The following MICAL3 variants were observed in gnomAD, a reference collection of about 807,000 sequenced individuals.
The protein encoded by MICAL3 is [F-actin]-monooxygenase MICAL3.
A neutral mutation model predicts 207.4 loss-of-function variants in MICAL3; 62 were observed. The ratio of observed to expected loss-of-function variants is 0.30; its 90% CI spans 0.24 to 0.37. The LOEUF (loss-of-function observed/expected upper bound fraction) is 0.37. Ranked by LOEUF, MICAL3 falls within the 10% of genes least tolerant of loss-of-function variation. The pLI is 1.00. For missense variants in MICAL3, 2,368 were observed against 2,635.6 expected (o/e 0.90, Z 2.22); for synonymous variants, 1,077 against 1,069.3 (o/e 1.01, Z -0.14).
intron 17 of MICAL3, among the ~76,000 whole-genome samples, chr22:17,870,903 G>T (rs1033677517): frequency 2.0e-5 from 3 of 152,266 alleles, no homozygotes; most frequent in African/African-American, 7.2e-5. Flanking sequence ...GTGACTGTTT[G>T]TTCACCCTCA....
Position 17,877,618 on chromosome 22 carries a change from G to C in MICAL3, c.2242-5595C>G, listed in dbSNP as rs1173932170. 3.4e-5 allele frequency among the ~76,000 whole-genome samples: 5 copies of C among 147,992 alleles called. No individual in the cohort carries two copies. In the East Asian group the frequency reaches 9.9e-4, roughly 29 times the overall value. ...AGGGAGGTTATGGAGGATGGCAGCA[G>C]AGTCCAAGAAAAGAACTTAAGTAGT... On this transcript the variant is annotated intron_variant, in intron 16 of 31. Coordinates refer to ENST00000441493, the MANE Select transcript of MICAL3 (RefSeq NM_015241.3).
chr22:18,002,102 G>A (rs1923070750), intron 1 of MICAL3, among the ~76,000 whole-genome samples: 1 of 152,184 alleles, frequency 6.6e-6, no homozygotes, highest in Admixed American at 6.5e-5. Flanking sequence ...GGAGGCTGAG[G>A]CAGGAGAATC....
Position 17,902,003 on chromosome 22 carries a change from G to T in MICAL3, c.590-24C>A. 6.4e-7 allele frequency: 1 copy of T among 1,554,778 alleles called. No homozygotes were observed. Among genetic ancestry groups the T allele is most frequent in the Non-Finnish European group, 8.8e-7 (1 of 1,130,836 alleles). Reference sequence around the variant, plus strand: ...CCCTGTGAACCAAAACCAAATAAATGGGGGTCACCACCCAGACCACATTCA... The same window carrying T: ...CCCTGTGAACCAAAACCAAATAAATTGGGGTCACCACCCAGACCACATTCA... On this transcript the variant is annotated intron_variant, in intron 4 of 31. Coordinates refer to ENST00000441493, the MANE Select transcript of MICAL3 (RefSeq NM_015241.3). The surrounding 1 kb of genome is among the most constrained non-coding windows in gnomAD (Gnocchi z 4.5).
chr22:17,976,580 TATATATATA>T lies in MICAL3; in HGVS notation c.-75+47692_-75+47700del, dbSNP rs1168714018. On this transcript the variant is annotated intron_variant, in intron 1 of 31. Coordinates refer to ENST00000441493, the MANE Select transcript of MICAL3 (RefSeq NM_015241.3). ...GTGTGTGTATATATATATATATATA[TATATATATA>T]TTTTTTTTTTTTTTTTTTGAGACAG... Among the ~76,000 whole-genome samples, 216 of 100,610 alleles carry T rather than the reference TATATATATA, an allele frequency of 2.1e-3. 2 individuals carry two copies. The highest frequency in any genetic ancestry group is 8.2e-3 in the African/African-American group (182 of 22,094). 66.0% of individuals were successfully genotyped at this position (100,610 alleles called of 152,430 possible).
In MICAL3 at chr22:17,822,146, G is replaced by C. The variant is rs777672489; in HGVS notation, c.3332C>G (p.Ser1111Trp). ...DDDQHWSDSP[S>W]DADRELRLPC... ...CAAACGCAGCTCTCTGTCAGCATCC[G>C]ACGGGCTGTCAGACCAGTGCTGATC... Residue 1111 changes from serine (S) to tryptophan (W), a missense_variant, in exon 24 of 32, where the codon TCG (serine) becomes TGG (tryptophan). Physicochemically the swap from Ser to Trp is radical, Grantham distance 177 (BLOSUM62 -3). This residue lies in a region of MICAL3 where 1,770 missense variants were observed against 1,863.2 expected (regional missense o/e 0.95). Transcript: ENST00000441493. 5 of 1,613,736 alleles carry C rather than the reference G, an allele frequency of 3.1e-6. No homozygotes were observed. In the South Asian group the frequency reaches 5.5e-5, roughly 18 times the overall value.
At position 17,874,024 on chromosome 22, in the gene MICAL3, C is replaced by A. The variant is rs544769295; in HGVS notation, c.2242-2001G>T. 2.6e-5 allele frequency among the ~76,000 whole-genome samples: 4 copies of A among 152,326 alleles called. No homozygotes were observed. The South Asian group carries it at 8.3e-4, about 32-fold the overall frequency. Reference sequence around the variant, plus strand: ...TTAGGACATGGCCTGAATGGACAGACACATAAGGCCTCGTGTGAGGAAGAA... The same window carrying A: ...TTAGGACATGGCCTGAATGGACAGAAACATAAGGCCTCGTGTGAGGAAGAA... On this transcript the variant is annotated intron_variant, in intron 16 of 31. Coordinates refer to ENST00000441493, the MANE Select transcript of MICAL3 (RefSeq NM_015241.3).
rs765184052 is a variant in MICAL3 at position 17,819,074 on chromosome 22, C to T, written c.3587G>A (p.Arg1196His). 10 of 1,551,226 alleles carry T rather than the reference C, an allele frequency of 6.4e-6. No individual in the cohort carries two copies. The highest frequency in any genetic ancestry group is 2.5e-5 in the South Asian group (2 of 80,774). The change falls in exon 26 of 32, where the codon CGC becomes CAC. Residue 1196 changes from arginine (R) to histidine (H), a missense_variant. By Grantham distance (29) the Arg-to-His change is conservative (BLOSUM62 0). Around this residue, in one of 4 missense-constraint regions of MICAL3, gnomAD observed 1,770 missense variants for 1,863.2 expected, o/e 0.95. Coordinates refer to ENST00000441493, the MANE Select transcript of MICAL3 (RefSeq NM_015241.3). ...GGGGAGCAAAGGCTCAGGGAAAAGG[C>T]GCTCCTCAGGTGATTTCTCCTGGGT... ...AATQEKSPEE[R>H]LFPEPLLPKE...
intron 1 of MICAL3, among the ~76,000 whole-genome samples, chr22:17,968,783 G>A (rs758985055): frequency 1.3e-5 from 2 of 152,158 alleles, no homozygotes; most frequent in African/African-American, 2.4e-5. Flanking sequence ...AAAGGAGCTC[G>A]AGGGGAGTTA....
rs536404417 is a variant in MICAL3, at chr22:17,869,226, C to G, written c.2428+2611G>C. Reference sequence around the variant, plus strand: ...TCCACCTGGGACAAGGTTGTGGGCTCTGTCTGCACGGCAGCGGCTAGGACA... The same window carrying G: ...TCCACCTGGGACAAGGTTGTGGGCTGTGTCTGCACGGCAGCGGCTAGGACA... On this transcript the variant is annotated intron_variant, in intron 17 of 31. Coordinates refer to ENST00000441493, the MANE Select transcript of MICAL3 (RefSeq NM_015241.3). Among the ~76,000 whole-genome samples, 55 of 152,330 alleles carry G rather than the reference C, an allele frequency of 3.6e-4. 1 individual carries two copies. The South Asian group carries it at 0.011, about 31-fold the overall frequency.
At position 17,808,835 on chromosome 22, in the gene MICAL3, C is replaced by T. The variant is rs536602624; in HGVS notation, c.5650+9G>A. 74 of 1,551,342 alleles carry T rather than the reference C, an allele frequency of 4.8e-5. No individual in the cohort carries two copies. Among genetic ancestry groups the T allele is most frequent in the South Asian group, 1.4e-4 (12 of 84,054 alleles). On this transcript the variant is annotated intron_variant, in intron 29 of 31. Coordinates refer to ENST00000441493, the MANE Select transcript of MICAL3 (RefSeq NM_015241.3). ...CAGGAGCAGAGCTTAGGAGGGAGCC[C>T]GGCAGTACCTGCTTCGCCCCGGAGC...
chr22:17,816,766 T>G lies in MICAL3; in HGVS notation c.5369A>C (p.Gln1790Pro). 2.6e-6 allele frequency: 4 copies of G among 1,550,914 alleles called. No homozygotes were observed. Among genetic ancestry groups the G allele is most frequent in the Non-Finnish European group, 2.6e-6 (3 of 1,147,136 alleles). ...GTCTGAGTCCTCGGAGAAGCTCAGC[T>G]GGCGCCGGAGCTGCAGCTCTGTGGA... ...VVRAELQLRR[Q>P]LSFSEDSDLS... Residue 1790 changes from glutamine (Q) to proline (P), a missense_variant, in exon 27 of 32, where the codon CAG becomes CCG. Physicochemically the swap from Gln to Pro is moderately conservative, Grantham distance 76 (BLOSUM62 -1). This residue lies in a region of MICAL3 where 1,770 missense variants were observed against 1,863.2 expected (regional missense o/e 0.95). Transcript: ENST00000441493.
chr22:17,999,413 G>C (rs1922674987), intron 1 of MICAL3, among the ~76,000 whole-genome samples: 1 of 152,098 alleles, frequency 6.6e-6, no homozygotes, highest in African/African-American at 2.4e-5. Flanking sequence ...AGGAGGAATG[G>C]GGGGGACCTC....
Position 17,817,423 on chromosome 22 carries a change from C to T in MICAL3, c.5238G>A (p.Gly1746=), listed in dbSNP as rs757349789. The T allele has an allele frequency of 3.1e-6, 5 of 1,613,480 alleles. No homozygotes were observed. Among genetic ancestry groups the T allele is most frequent in the Non-Finnish European group, 4.2e-6 (5 of 1,179,888 alleles). Residue 1746 remains glycine, a synonymous_variant, in exon 26 of 32, where the codon GGG becomes GGA. Transcript: ENST00000441493. Reference sequence around the variant, plus strand: ...CCTTCTTCTTCTTGTCCTTCTTGTACCCGGAGAAGACGGACTTCCACAGGG... The same window carrying T: ...CCTTCTTCTTCTTGTCCTTCTTGTATCCGGAGAAGACGGACTTCCACAGGG... ...PKSLWKSVFS[G]YKKDKKKKAD...
In MICAL3 at chr22:17,818,698, G is replaced by A. The variant is rs986448287; in HGVS notation, c.3963C>T (p.Ser1321=). The change falls in exon 26 of 32, where the codon AGC becomes AGT. Residue 1321 remains serine, a synonymous_variant. Transcript: ENST00000441493. Reference sequence around the variant, plus strand: ...TCATCCAGAACTCCTCCACCAGGTCGCTCCGTCTGAGGGCCTCATCCACAG... The same window carrying A: ...TCATCCAGAACTCCTCCACCAGGTCACTCCGTCTGAGGGCCTCATCCACAG... ...PLAVDEALRR[S]DLVEEFWMKS... The A allele has an allele frequency of 2.5e-5, 40 of 1,613,632 alleles. No individual in the cohort carries two copies. The highest frequency in any genetic ancestry group is 1.6e-4 in the Middle Eastern group (1 of 6,084).
intron 1 of MICAL3, among the ~76,000 whole-genome samples, chr22:17,930,527 T>C (rs1933193977): frequency 6.6e-6 from 1 of 152,158 alleles, no homozygotes; most frequent in Non-Finnish European, 1.5e-5. Flanking sequence ...CACAGATTAG[T>C]GCTGGGCAAG....
At chr22:17,969,739 T>C (rs186801532) in intron 1 of MICAL3, among the ~76,000 whole-genome samples, 5 of 152,368 alleles carry the variant, frequency 3.3e-5, no homozygotes, top group Admixed American at 2.6e-4. Flanking sequence ...AAGCAGCCGA[T>C]GCTGCTAGCC....
intron 19 of MICAL3, chr22:17,864,443 A>G: frequency 1.4e-6 from 2 of 1,417,342 alleles, no homozygotes; most frequent in South Asian, 3.2e-5. Flanking sequence ...GGCTTAATCA[A>G]CACAGCTCCA....
rs1033711839 is a variant in MICAL3 at position 17,900,754 on chromosome 22, G to A, written c.847+88C>T. The stretch of plus-strand genomic sequence containing the variant: ...CAGACAGTGCAGGAGGGACACCGAC[G>A]GCCACTCACCCCACCAATCCCCCAA... On this transcript the variant is annotated intron_variant, in intron 6 of 31. Transcript: ENST00000441493. The surrounding 1 kb of genome is among the most constrained non-coding windows in gnomAD (Gnocchi z 4.0). The A allele has an allele frequency of 7.6e-6, 9 of 1,176,648 alleles. No homozygotes were observed. The highest frequency in any genetic ancestry group is 3.1e-5 in the African/African-American group (2 of 65,488). The allele number at this position is 1,176,648 out of a possible 1,614,324, so 72.9% of individuals were successfully genotyped here.
rs879721670 is a variant in MICAL3, at chr22:17,832,348, G to A, written c.2802-241C>T. Among the ~76,000 whole-genome samples the A allele has an allele frequency of 5.9e-5, 9 of 152,256 alleles. No homozygotes were observed. In the South Asian group the frequency reaches 1.0e-3, roughly 18 times the overall value. The stretch of plus-strand genomic sequence containing the variant: ...AATGCCTCCTGCTCACAGACCTCAC[G>A]CACTTCTCCTCAGGTGGATGGGGTA... On this transcript the variant is annotated intron_variant, in intron 20 of 31. Coordinates refer to ENST00000441493, the MANE Select transcript of MICAL3 (RefSeq NM_015241.3).
Sources: allele counts gnomAD v4.1 joint callset (sites outside exome capture counted in the v4.1 genomes callset), GRCh38; gene constraint gnomAD v4.1.1; regional missense constraint gnomAD v4.1.1; non-coding constraint Gnocchi (gnomAD v3.1); transcripts MANE v1.5; gene names NCBI Gene and HGNC (gene_info 2026-07-23, HGNC 2026-07-21).